Variants in HECW1 observed in about 807,000 individuals in gnomAD.
HECW1 encodes E3 ubiquitin-protein ligase HECW1.
A neutral mutation model predicts 182.3 loss-of-function variants in HECW1; 61 were observed. The observed-to-expected ratio is 0.33, with a 90% CI of 0.27 to 0.41. HECW1 has a LOEUF of 0.41. Among genes scored for constraint, HECW1 ranks in the 10% least tolerant of loss-of-function variants. The pLI, the probability that HECW1 is intolerant of heterozygous loss-of-function variation, is 1.00. For synonymous variants in HECW1, 859 were observed against 832.6 expected (o/e 1.03, Z -0.55); for missense variants, 1,739 against 2,108.9 (o/e 0.82, Z 3.44).
intron 2 of HECW1, among the ~76,000 whole-genome samples, chr7:43,179,554 TTTGTTG>T (rs35378292): frequency 8.8e-5 from 13 of 148,214 alleles, no homozygotes; most frequent in South Asian, 4.2e-4. Flanking sequence ...ATTTGCTAAG[TTTGTTG>T]TTGTTGTTGT....
chr7:43,527,416 A>G (rs1439094978), intron 24 of HECW1, among the ~76,000 whole-genome samples: 2 of 152,088 alleles, frequency 1.3e-5, no homozygotes, highest in Admixed American at 6.5e-5. Context: ...TGGGATTTCA[A>G]CGGCTCCTTG....
intron 17 of HECW1, among the ~76,000 whole-genome samples, chr7:43,488,436 GA>G (rs1554440511): frequency 2.0e-5 from 2 of 99,436 alleles, no homozygotes; most frequent in African/African-American, 8.3e-5. Flanking sequence ...GAAAGAAAGA[GA>G]AAGAAAGAAA....
chr7:43,279,640 G>T (rs1319099295), intron 3 of HECW1, among the ~76,000 whole-genome samples: 1 of 152,096 alleles, frequency 6.6e-6, no homozygotes, highest in Non-Finnish European at 1.5e-5. Flanking sequence ...CATTTCATTT[G>T]TTCTGAAGCT....
At chr7:43,391,202 A>G (rs999690909) in intron 6 of HECW1, among the ~76,000 whole-genome samples, 1 of 152,226 alleles carries the variant, frequency 6.6e-6, no homozygotes, top group African/African-American at 2.4e-5. Flanking sequence ...CTTTAGGTGA[A>G]TGCACACTTA....
At chr7:43,358,171 C>T (rs1314653214) in intron 5 of HECW1, among the ~76,000 whole-genome samples, 5 of 152,166 alleles carry the variant, frequency 3.3e-5, no homozygotes, top group Admixed American at 2.0e-4. Flanking sequence ...CATGCTGATC[C>T]CACCGGCACC....
intron 4 of HECW1, among the ~76,000 whole-genome samples, chr7:43,317,720 G>T (rs1287386824): frequency 6.6e-6 from 1 of 152,040 alleles, no homozygotes; most frequent in Non-Finnish European, 1.5e-5. Flanking sequence ...TTAGTGTGAG[G>T]GAAGGGGATG....
At chr7:43,365,302 A>T (rs1446403407) in intron 6 of HECW1, among the ~76,000 whole-genome samples, 1 of 152,230 alleles carries the variant, frequency 6.6e-6, no homozygotes, top group Non-Finnish European at 1.5e-5. Context: ...CAGAGCGTTC[A>T]CCTGGCAGTG....
rs1157668165 is a variant in HECW1 at position 43,444,662 on chromosome 7, C to T, written c.1490C>T (p.Ala497Val). The T allele has an allele frequency of 6.2e-7, 1 of 1,605,986 alleles. No individual in the cohort carries two copies. The highest frequency in any genetic ancestry group is 8.5e-7 in the Non-Finnish European group (1 of 1,176,054). The change falls in exon 11 of 30, where the codon GCT (alanine) becomes GTT (valine). Residue 497 changes from alanine (A) to valine (V), a missense_variant. Physicochemically the swap from Ala to Val is moderately conservative, Grantham distance 64. Around this residue, in one of 5 missense-constraint regions of HECW1, gnomAD observed 971 missense variants for 1,029.1 expected, o/e 0.94. Coordinates refer to ENST00000395891, the MANE Select transcript of HECW1 (RefSeq NM_015052.5). The surrounding 1 kb of genome is among the most constrained non-coding windows in gnomAD (Gnocchi z 4.3). ...GAGGAAGCAACGACCCAGAGCCGGG[C>T]TGGAAGGGAAGAAGAGGAGAAGGAG... is the stretch of plus-strand genomic sequence containing the variant. ...LEEEATTQSRAGREEEEKEQE... is the reference protein window; with the variant it reads ...LEEEATTQSRVGREEEEKEQE...
intron 5 of HECW1, among the ~76,000 whole-genome samples, chr7:43,358,641 CAAAT>C (rs1178237141): frequency 2.6e-5 from 4 of 152,018 alleles, no homozygotes; most frequent in Non-Finnish European, 5.9e-5. Context: ...TACTAATAAT[CAAAT>C]AAATGAAACA....
At chr7:43,266,714 G>A (rs1032064370) in intron 3 of HECW1, among the ~76,000 whole-genome samples, 9 of 152,062 alleles carry the variant, frequency 5.9e-5, no homozygotes, top group East Asian at 1.9e-4. Flanking sequence ...TTATTATACC[G>A]CACACCTCCT....
At chr7:43,126,149 A>G (rs1398253495) in intron 2 of HECW1, among the ~76,000 whole-genome samples, 1 of 141,290 alleles carries the variant, frequency 7.1e-6, no homozygotes, top group African/African-American at 2.7e-5. Context: ...AAACCCTACC[A>G]GCTTGAGTCT....
chr7:43,280,082 G>A (rs1424933438), intron 3 of HECW1, among the ~76,000 whole-genome samples: 2 of 152,176 alleles, frequency 1.3e-5, no homozygotes, highest in African/African-American at 4.8e-5. Context: ...GTGAGTGAAG[G>A]GACCCTGGAT....
At chr7:43,242,359 C>T (rs959111233) in intron 2 of HECW1, among the ~76,000 whole-genome samples, 1 of 152,064 alleles carries the variant, frequency 6.6e-6, no homozygotes, top group Non-Finnish European at 1.5e-5. Flanking sequence ...AATTCTAGAA[C>T]CGTTAGGAGG....
intron 15 of HECW1, 31 bp from the exon 16 acceptor site, chr7:43,468,889 T>G (rs1257467299): frequency 1.2e-6 from 2 of 1,609,526 alleles, no homozygotes; most frequent in Non-Finnish European, 1.7e-6. Flanking sequence ...AATTCCCCAC[T>G]CCTTACCCCG....
At chr7:43,269,008 T>C (rs1257001020) in intron 3 of HECW1, among the ~76,000 whole-genome samples, 1 of 152,138 alleles carries the variant, frequency 6.6e-6, no homozygotes, top group Non-Finnish European at 1.5e-5. Context: ...TGTTCATTTT[T>C]TTAAGTAAAC....
chr7:43,550,138 A>G (rs988164691), intron 26 of HECW1, among the ~76,000 whole-genome samples: 5 of 152,110 alleles, frequency 3.3e-5, no homozygotes, highest in African/African-American at 2.4e-5. Flanking sequence ...AAGAAAAAAA[A>G]TTAACCAGGC....
chr7:43,114,671 T>C (rs1655448084), intron 2 of HECW1, among the ~76,000 whole-genome samples: 2 of 152,254 alleles, frequency 1.3e-5, no homozygotes, highest in South Asian at 4.1e-4. Flanking sequence ...ACGTTCTGAC[T>C]AATTCCACAC....
rs370846695 is a variant in HECW1 at position 43,312,015 on chromosome 7, C to G, written c.280C>G (p.Gln94Glu). ...SSSYYSIGHS[Q>E]DLVIHWDIKE... The stretch of plus-strand genomic sequence containing the variant: ...CTCCTACTATTCCATCGGGCACTCT[C>G]AGGACCTGGTCATCCACTGGGACAT... The change falls in exon 4 of 30, where the codon CAG becomes GAG. Residue 94 changes from glutamine to glutamate, a missense_variant. Around this residue, in one of 5 missense-constraint regions of HECW1, gnomAD observed 279 missense variants for 353.1 expected, o/e 0.79. Transcript: ENST00000395891. The G allele has an allele frequency of 3.1e-6, 5 of 1,614,114 alleles. No individual in the cohort carries two copies. The African/African-American group carries it at 6.7e-5, about 22-fold the overall frequency.
intron 5 of HECW1, among the ~76,000 whole-genome samples, chr7:43,337,317 A>T (rs1312558591): frequency 6.6e-6 from 1 of 152,092 alleles, no homozygotes; most frequent in Non-Finnish European, 1.5e-5. Flanking sequence ...TTTGTTGACC[A>T]CTTGTATTTC....
Sources: allele counts gnomAD v4.1 joint callset (sites outside exome capture counted in the v4.1 genomes callset), GRCh38; gene constraint gnomAD v4.1.1; regional missense constraint gnomAD v4.1.1; non-coding constraint Gnocchi (gnomAD v3.1); transcripts MANE v1.5; gene names NCBI Gene and HGNC (gene_info 2026-07-23, HGNC 2026-07-21).